The following GSE1 variants were observed in gnomAD, a reference collection of about 807,000 sequenced individuals.
The protein encoded by GSE1 is Gse1 coiled-coil protein, also known as genetic suppressor element 1.
A neutral mutation model predicts 112.6 loss-of-function variants in GSE1; 32 were observed. That is an observed-to-expected ratio of 0.28 (90% CI 0.21 to 0.38). GSE1 has a LOEUF of 0.38. Among genes scored for constraint, GSE1 ranks in the 10% least tolerant of loss-of-function variants. The pLI is 1.00. For synonymous variants in GSE1, 1,115 were observed against 735.6 expected, an observed-to-expected ratio of 1.52 and a Z score of -8.35; for missense variants, 2,348 against 1,699.2, an observed-to-expected ratio of 1.38 and a Z score of -6.71.
At chr16:85,577,570 G>T (rs556358207) in intron 1 of GSE1, among the ~76,000 whole-genome samples, 4 of 152,258 alleles carry the variant, frequency 2.6e-5, no homozygotes, top group African/African-American at 7.2e-5. Flanking sequence ...AGGAGGCAGC[G>T]CTGCGATTAT....
chr16:85,662,970 T>A lies in GSE1; in HGVS notation c.2261-11T>A. ...TCTTTGTCTGGCTGAATACAACCATTTCTCCATCAGGGTACTACTACGACC... is the reference window on the plus strand; with the variant it reads ...TCTTTGTCTGGCTGAATACAACCATATCTCCATCAGGGTACTACTACGACC... On this transcript the variant is annotated splice_polypyrimidine_tract_variant and intron_variant, in intron 9 of 15. Transcript: ENST00000253458. 1 of 1,550,220 alleles carries A rather than the reference T, an allele frequency of 6.5e-7. No individual in the cohort carries two copies. The highest frequency in any genetic ancestry group is 1.4e-5 in the African/African-American group (1 of 73,450).
chr16:85,377,966 C>T (rs2047457099), intron 2 of GSE1, among the ~76,000 whole-genome samples: 1 of 152,246 alleles, frequency 6.6e-6, no homozygotes, highest in Non-Finnish European at 1.5e-5. Context: ...CTGCAGACAG[C>T]CCTGTCTCCA....
At chr16:85,517,939 C>T (rs1209927517) in intron 2 of GSE1, among the ~76,000 whole-genome samples, 3 of 152,250 alleles carry the variant, frequency 2.0e-5, no homozygotes, top group Non-Finnish European at 4.4e-5. Context: ...CGCCCCTCTC[C>T]CCTCCAAGGT....
intron 1 of GSE1, among the ~76,000 whole-genome samples, chr16:85,322,142 A>G (rs2046121306): frequency 6.6e-6 from 1 of 152,248 alleles, no homozygotes; most frequent in Non-Finnish European, 1.5e-5. Context: ...AGGCGCTCAG[A>G]GCAGTGTTGT....
chr16:85,293,046 G>T (rs372474274), intron 1 of GSE1, among the ~76,000 whole-genome samples: 2 of 152,206 alleles, frequency 1.3e-5, no homozygotes, highest in Admixed American at 6.5e-5. Context: ...CATCACCACC[G>T]CCACCGTGTT....
intron 2 of GSE1, among the ~76,000 whole-genome samples, chr16:85,430,637 G>T (rs961884496): frequency 6.6e-6 from 1 of 152,248 alleles, no homozygotes; most frequent in African/African-American, 2.4e-5. Flanking sequence ...GAACGGGGAC[G>T]CCTGGTGCCA....
At chr16:85,295,217 G>A (rs138625770) in intron 1 of GSE1, among the ~76,000 whole-genome samples, 2 of 152,270 alleles carry the variant, frequency 1.3e-5, no homozygotes, top group Non-Finnish European at 2.9e-5. Context: ...CGCACACACC[G>A]GTCCACCTTC....
Position 85,265,693 on chromosome 16 carries a change from C to T in GSE1, c.2284-91770C>T, listed in dbSNP as rs564405299. Among the ~76,000 whole-genome samples the T allele has an allele frequency of 3.9e-3, 596 of 152,250 alleles. 5 individuals are homozygous for T. Among genetic ancestry groups the T allele is most frequent in the Non-Finnish European group, 4.5e-3 (303 of 68,022 alleles). ...AAAGACCATGTGTTTGGGGCAGGTT[C>T]TGGTTTTCATGAGGGAGGAATGTTT... On this transcript the variant is annotated intron_variant, in intron 1 of 2. Transcript: ENST00000637419.
chr16:85,523,989 G>A (rs2052279401), intron 2 of GSE1, among the ~76,000 whole-genome samples: 1 of 152,172 alleles, frequency 6.6e-6, no homozygotes, highest in African/African-American at 2.4e-5. Flanking sequence ...GGCTTTTGGG[G>A]TGATGCTGTT....
In GSE1 at chr16:85,452,112, G is replaced by A. The variant is rs535469793; in HGVS notation, c.2464+94469G>A. Among the ~76,000 whole-genome samples, 16 of 152,262 alleles carry A rather than the reference G, an allele frequency of 1.1e-4. No homozygotes were observed. The South Asian group carries it at 2.9e-3, about 28-fold the overall frequency. On this transcript the variant is annotated intron_variant, in intron 2 of 2. Transcript: ENST00000637419. ...TCCCCGCCAGAGAGACCCGTGTCCG[G>A]CGCGAATAATTGGATTTTAATGAAA...
chr16:85,647,899 C>T (rs149641605), intron 2 of GSE1, among the ~76,000 whole-genome samples: 276 of 152,260 alleles, frequency 1.8e-3, no homozygotes, highest in Non-Finnish European at 3.0e-3. Context: ...CTGACCGCTT[C>T]TTGTGTTTGT....
intron 2 of GSE1, among the ~76,000 whole-genome samples, chr16:85,641,754 C>T (rs974667240): frequency 5.9e-5 from 9 of 152,262 alleles, no homozygotes; most frequent in Non-Finnish European, 7.3e-5. Flanking sequence ...ATTCCCGTTC[C>T]ACTGGGCAGA....
At chr16:85,331,361 G>GTGTATATATATGTATATATA (rs1567692507) in intron 1 of GSE1, among the ~76,000 whole-genome samples, 1 of 66,978 alleles carries the variant, frequency 1.5e-5, no homozygotes, top group Non-Finnish European at 3.4e-5. Context: ...GTGTGTGTGT[G>GTGTATATATATGTATATATA]TGTGTATATA....
At chr16:85,371,522 A>C (rs574308933) in intron 2 of GSE1, among the ~76,000 whole-genome samples, 8 of 152,302 alleles carry the variant, frequency 5.3e-5, no homozygotes, top group Non-Finnish European at 1.0e-4. Context: ...TCTGAGCCCC[A>C]GTGCCCAGGC....
At chr16:85,516,855 T>A (rs28452226) in intron 2 of GSE1, among the ~76,000 whole-genome samples, 1 of 148,766 alleles carries the variant, frequency 6.7e-6, no homozygotes, top group East Asian at 2.0e-4. Flanking sequence ...TGGAGTGCAG[T>A]GGCGTGATCT....
At chr16:85,199,275 G>A (rs1055391521) in intron 1 of GSE1, among the ~76,000 whole-genome samples, 2 of 151,854 alleles carry the variant, frequency 1.3e-5, no homozygotes, top group African/African-American at 4.8e-5. Context: ...TTATAGAGAT[G>A]GGGTTTCACT....
At chr16:85,542,575 C>T (rs995061686) in intron 2 of GSE1, among the ~76,000 whole-genome samples, 10 of 152,264 alleles carry the variant, frequency 6.6e-5, no homozygotes, top group African/African-American at 9.6e-5. Context: ...TGCTCCACCC[C>T]ACAAACAACC....
At chr16:85,170,754 A>G in exon 1 of GSE1, 1 of 985,496 alleles carries the variant, frequency 1.0e-6, no homozygotes, top group Non-Finnish European at 1.2e-6. Flanking sequence ...CCCCAGGGGC[A>G]CAGCCCATCA....
At chr16:85,336,042 G>A (rs552494232) in intron 1 of GSE1, among the ~76,000 whole-genome samples, 10 of 152,272 alleles carry the variant, frequency 6.6e-5, no homozygotes, top group Admixed American at 6.5e-4. Context: ...GGACCCTAGT[G>A]TCTCCGAGAT....
Sources: gnomAD v4.1 joint callset for allele counts (sites outside exome capture counted in the v4.1 genomes callset) on GRCh38, gnomAD v4.1.1 for gene constraint, MANE v1.5 for transcripts, NCBI Gene and HGNC (gene_info 2026-07-23, HGNC 2026-07-21) for gene names.